The following PTPRR variants were observed in gnomAD, a reference collection of about 807,000 sequenced individuals.
The protein encoded by PTPRR is receptor-type tyrosine-protein phosphatase R.
Under a neutral mutation model 77.2 loss-of-function variants are expected in PTPRR, and 38 were observed. That is an observed-to-expected ratio of 0.49 (90% CI 0.38 to 0.65). The LOEUF is 0.65. Ranked by LOEUF, PTPRR falls within the 30% of genes least tolerant of loss-of-function variation. PTPRR has a pLI of 0.00. For synonymous variants in PTPRR, 299 were observed against 283.1 expected (o/e 1.06, Z -0.57); for missense variants, 744 against 799.2 (o/e 0.93, Z 0.83).
intron 2 of PTPRR, among the ~76,000 whole-genome samples, chr12:70,807,384 T>G (rs1344621468): frequency 6.6e-6 from 1 of 152,214 alleles, no homozygotes; most frequent in Non-Finnish European, 1.5e-5. Flanking sequence ...TTTAAAAAAA[T>G]GCATTATTAA....
rs920539765 is a variant in PTPRR, at chr12:70,638,511, A to C, written c.*673T>G. ...ATGCCCAATAATAGAGAGTAAATAC[A>C]TATATACCCAATGACAATCATTGTG... On this transcript the variant is annotated 3_prime_UTR_variant, in exon 14 of 14. Coordinates refer to ENST00000283228, the MANE Select transcript of PTPRR (RefSeq NM_002849.4). The C allele has an allele frequency of 7.2e-5, 11 of 152,788 alleles. No homozygotes were observed. The highest frequency in any genetic ancestry group is 1.3e-4 in the Admixed American group (2 of 15,302). The allele number at this position is 152,788 out of a possible 1,614,324, so 9.5% of individuals were successfully genotyped here.
chr12:70,804,523 C>A (rs1891675179), intron 2 of PTPRR, among the ~76,000 whole-genome samples: 1 of 151,992 alleles, frequency 6.6e-6, no homozygotes, highest in Non-Finnish European at 1.5e-5. Context: ...CATGATCACA[C>A]CACTGCATTC....
chr12:70,735,083 C>A (rs2136898199), intron 6 of PTPRR, among the ~76,000 whole-genome samples: 1 of 152,220 alleles, frequency 6.6e-6, no homozygotes, highest in South Asian at 2.1e-4. Flanking sequence ...AGAATTCCAA[C>A]CTACCTATAT....
In PTPRR at chr12:70,892,807, G is replaced by A. The variant is rs775822570; in HGVS notation, c.229C>T (p.Arg77Cys). ...HSSSEAQVSK[R>C]HQIVNSAFPR... The stretch of plus-strand genomic sequence containing the variant: ...AATGCTGAATTGACAATCTGGTGGC[G>A]TTTGCTTACTTGAGCTTCGGAAGAG... The change falls in exon 2 of 14, where the codon CGC (arginine) becomes TGC (cysteine). Residue 77 changes from arginine to cysteine, a missense_variant. This residue lies in a region of PTPRR where 570 missense variants were observed against 573.2 expected (regional missense o/e 0.99). Transcript: ENST00000283228. 1.7e-5 allele frequency: 28 copies of A among 1,613,332 alleles called. No homozygotes were observed. The highest frequency in any genetic ancestry group is 1.6e-4 in the Middle Eastern group (1 of 6,082).
At chr12:70,884,836 C>T (rs1380604900) in intron 2 of PTPRR, among the ~76,000 whole-genome samples, 2 of 132,538 alleles carry the variant, frequency 1.5e-5, no homozygotes, top group African/African-American at 6.0e-5. Context: ...CGTGCCACTG[C>T]ACTCCAGTCT....
At chr12:70,896,419 C>G (rs1893429469) in intron 1 of PTPRR, among the ~76,000 whole-genome samples, 1 of 151,282 alleles carries the variant, frequency 6.6e-6, no homozygotes, top group African/African-American at 2.4e-5. Flanking sequence ...CCCAAAACAC[C>G]AGAATACACA....
chr12:70,646,051 G>A (rs1886187933), intron 13 of PTPRR, among the ~76,000 whole-genome samples: 1 of 152,178 alleles, frequency 6.6e-6, no homozygotes, highest in Admixed American at 6.5e-5. Context: ...ACTCACTTCT[G>A]GGCTAACAAT....
At chr12:70,731,306 G>A (rs569859053) in intron 6 of PTPRR, among the ~76,000 whole-genome samples, 1 of 152,230 alleles carries the variant, frequency 6.6e-6, no homozygotes, top group African/African-American at 2.4e-5. Context: ...AAATGTTGGA[G>A]TTTAAACATG....
intron 2 of PTPRR, among the ~76,000 whole-genome samples, chr12:70,836,741 T>C (rs549735177): frequency 6.6e-6 from 1 of 152,058 alleles, no homozygotes; most frequent in South Asian, 2.1e-4. Flanking sequence ...CTATCTCTTA[T>C]TCACCCTTCA....
At chr12:70,838,732 A>C (rs1163176653) in intron 2 of PTPRR, among the ~76,000 whole-genome samples, 5 of 152,188 alleles carry the variant, frequency 3.3e-5, no homozygotes, top group African/African-American at 1.2e-4. Context: ...AGTGAAGTAC[A>C]AGGACAGTAA....
chr12:70,764,141 A>T (rs543934889), intron 3 of PTPRR, among the ~76,000 whole-genome samples: 1 of 151,984 alleles, frequency 6.6e-6, no homozygotes, highest in South Asian at 2.1e-4. Context: ...CTTTATTTAA[A>T]ATGCCCTGCC....
At chr12:70,900,187 G>C (rs1205383351) in intron 1 of PTPRR, among the ~76,000 whole-genome samples, 1 of 151,206 alleles carries the variant, frequency 6.6e-6, no homozygotes, top group African/African-American at 2.4e-5. Context: ...AAAATAAATA[G>C]AAAGCTAAAA....
intron 2 of PTPRR, among the ~76,000 whole-genome samples, chr12:70,766,313 G>A (rs1020999445): frequency 6.6e-6 from 1 of 152,188 alleles, no homozygotes; most frequent in Non-Finnish European, 1.5e-5. Flanking sequence ...ACAGAGAAGT[G>A]CTTAAAGGAG....
chr12:70,735,318 G>C (rs1358563745), intron 6 of PTPRR, among the ~76,000 whole-genome samples: 1 of 152,236 alleles, frequency 6.6e-6, no homozygotes, highest in African/African-American at 2.4e-5. Context: ...TGGACTCACA[G>C]TTCCACATGG....
At chr12:70,743,028 A>G (rs1482439411) in intron 6 of PTPRR, among the ~76,000 whole-genome samples, 1 of 152,188 alleles carries the variant, frequency 6.6e-6, no homozygotes, top group Admixed American at 6.5e-5. Flanking sequence ...TTCAACAGAA[A>G]GGTAGATTGA....
chr12:70,811,278 A>G (rs1403628569), intron 2 of PTPRR, among the ~76,000 whole-genome samples: 2 of 152,278 alleles, frequency 1.3e-5, no homozygotes, highest in East Asian at 3.9e-4. Flanking sequence ...TCTCATCTAC[A>G]TTTTATGTGG....
chr12:70,645,277 G>C (rs1886155386), intron 13 of PTPRR, among the ~76,000 whole-genome samples: 1 of 152,146 alleles, frequency 6.6e-6, no homozygotes, highest in Admixed American at 6.6e-5. Context: ...CCACTGGCCT[G>C]GCTAATAAGG....
chr12:70,860,188 G>T (rs1240307378), intron 2 of PTPRR, among the ~76,000 whole-genome samples: 2 of 152,106 alleles, frequency 1.3e-5, no homozygotes, highest in African/African-American at 4.8e-5. Flanking sequence ...CATTTTGTGT[G>T]TGAACATCAC....
At chr12:70,765,929 T>C (rs1283413966) in intron 2 of PTPRR, among the ~76,000 whole-genome samples, 1 of 152,092 alleles carries the variant, frequency 6.6e-6, no homozygotes, top group Admixed American at 6.6e-5. Context: ...TCTAGAAAAC[T>C]CCAACAGACC....
Sources: gnomAD v4.1 joint callset for allele counts (sites outside exome capture counted in the v4.1 genomes callset) on GRCh38, gnomAD v4.1.1 for gene constraint, gnomAD v4.1.1 regional missense constraint, MANE v1.5 for transcripts, NCBI Gene and HGNC (gene_info 2026-07-23, HGNC 2026-07-21) for gene names.